Variants in CPNE4 observed in about 807,000 individuals in gnomAD.
CPNE4 encodes copine-4.
In CPNE4, 25 loss-of-function variants were observed where a neutral mutation model predicts 67.9. The ratio of observed to expected loss-of-function variants is 0.37; its 90% CI spans 0.27 to 0.51. The LOEUF is 0.51. CPNE4 is among the 20% of genes least tolerant of loss of function. The pLI is 0.93. For missense variants in CPNE4, 464 were observed against 690.8 expected, an observed-to-expected ratio of 0.67 and a Z score of 3.68; for synonymous variants, 242 against 244.9, an observed-to-expected ratio of 0.99 and a Z score of 0.11.
intron 15 of CPNE4, among the ~76,000 whole-genome samples, chr3:131,539,117 T>A (rs776070299): frequency 6.6e-6 from 1 of 152,210 alleles, no homozygotes; most frequent in East Asian, 1.9e-4. Flanking sequence ...ATTTATGGCT[T>A]ATTGAATTCA....
intron 9 of CPNE4, among the ~76,000 whole-genome samples, chr3:131,576,901 T>C (rs556412981): frequency 6.6e-6 from 1 of 151,950 alleles, no homozygotes; most frequent in South Asian, 2.1e-4. Context: ...TGGCTTGGTG[T>C]GTGAGAGTTT....
chr3:131,586,534 T>C (rs75311444), intron 8 of CPNE4, among the ~76,000 whole-genome samples: 9,143 of 152,186 alleles, frequency 0.06, 340 homozygotes, highest in Middle Eastern at 0.075. Context: ...CATTAGTTAT[T>C]TGTTGAGGGC....
At chr3:131,873,045 A>G (rs979045370) in intron 2 of CPNE4, among the ~76,000 whole-genome samples, 1 of 152,242 alleles carries the variant, frequency 6.6e-6, no homozygotes, top group Non-Finnish European at 1.5e-5. Flanking sequence ...GGTAATAGAA[A>G]ATAAATAGTG....
rs1560229225 is a variant in CPNE4 at position 131,746,636 on chromosome 3, T to G, written c.181-23011A>C. Among the ~76,000 whole-genome samples, 4 of 152,194 alleles carry G rather than the reference T, an allele frequency of 2.6e-5. No individual in the cohort carries two copies. In the South Asian group the frequency reaches 6.2e-4, roughly 24 times the overall value. ...TTTATGGCTTAATAGTATTCCATTG[T>G]GTATATATAGCATATTTTCTTTATC... On this transcript the variant is annotated intron_variant, in intron 2 of 15. Coordinates refer to ENST00000429747, the MANE Select transcript of CPNE4 (RefSeq NM_130808.3).
chr3:131,749,080 T>C (rs762153371), intron 2 of CPNE4, among the ~76,000 whole-genome samples: 4 of 152,160 alleles, frequency 2.6e-5, no homozygotes, highest in South Asian at 2.1e-4. Flanking sequence ...CATTCATGTA[T>C]TAGAAGCGCA....
chr3:131,910,819 T>G (rs1011110706), intron 1 of CPNE4, among the ~76,000 whole-genome samples: 2 of 152,204 alleles, frequency 1.3e-5, no homozygotes, highest in African/African-American at 4.8e-5. Context: ...TTTACCACAG[T>G]GGCTGGTCTC....
At chr3:131,909,768 TG>T (rs2088907597) in intron 1 of CPNE4, among the ~76,000 whole-genome samples, 1 of 152,160 alleles carries the variant, frequency 6.6e-6, no homozygotes, top group African/African-American at 2.4e-5. Flanking sequence ...AAATATGGAT[TG>T]ATACATGCAA....
At chr3:132,029,758 A>T (rs946601954) in intron 1 of CPNE4, among the ~76,000 whole-genome samples, 2 of 152,260 alleles carry the variant, frequency 1.3e-5, no homozygotes, top group African/African-American at 4.8e-5. Context: ...ACAAAGTTAG[A>T]AATACTGTGT....
intron 2 of CPNE4, among the ~76,000 whole-genome samples, chr3:131,770,041 G>A (rs150148555): frequency 6.6e-6 from 1 of 152,184 alleles, no homozygotes; most frequent in East Asian, 1.9e-4. Context: ...ACCTTGAAAC[G>A]ACCTCAAGTT....
intron 3 of CPNE4, among the ~76,000 whole-genome samples, chr3:131,714,364 T>G (rs2107728572): frequency 6.6e-6 from 1 of 152,310 alleles, no homozygotes; most frequent in East Asian, 1.9e-4. Flanking sequence ...AATAAGTCCA[T>G]TTAACTTCAT....
intron 2 of CPNE4, among the ~76,000 whole-genome samples, chr3:131,767,218 G>C (rs1334475062): frequency 1.3e-5 from 2 of 151,822 alleles, no homozygotes; most frequent in East Asian, 3.9e-4. Context: ...CTCTAATTAA[G>C]GGATAGTAAA....
intron 2 of CPNE4, among the ~76,000 whole-genome samples, chr3:131,884,476 A>C (rs1339680309): frequency 6.6e-6 from 1 of 152,196 alleles, no homozygotes; most frequent in Non-Finnish European, 1.5e-5. Context: ...AGAACTAGGC[A>C]TGGTGGGCAC....
chr3:132,036,323 A>G (rs9816526), upstream of CPNE4, among the ~76,000 whole-genome samples: 12,740 of 152,114 alleles, frequency 0.084, 684 homozygotes, highest in Non-Finnish European at 0.12. Context: ...ATGGAATTAC[A>G]CTAATGGGCC....
intron 2 of CPNE4, among the ~76,000 whole-genome samples, chr3:131,889,123 T>C (rs1278398313): frequency 1.3e-5 from 2 of 152,196 alleles, no homozygotes; most frequent in African/African-American, 4.8e-5. Context: ...TATTAAGTAA[T>C]TCATAAGCAT....
At chr3:131,891,256 T>A (rs893536574) in intron 2 of CPNE4, among the ~76,000 whole-genome samples, 5 of 152,102 alleles carry the variant, frequency 3.3e-5, no homozygotes, top group Non-Finnish European at 2.9e-5. Flanking sequence ...AAGTTTTTTT[T>A]ATAACAATTA....
chr3:131,698,782 C>G (rs1044310220), intron 4 of CPNE4, among the ~76,000 whole-genome samples: 1 of 151,602 alleles, frequency 6.6e-6, no homozygotes, highest in African/African-American at 2.4e-5. Context: ...TGGTGGTGGG[C>G]ACCTGTAATC....
chr3:131,860,574 G>A (rs2086634215), intron 2 of CPNE4, among the ~76,000 whole-genome samples: 1 of 152,148 alleles, frequency 6.6e-6, no homozygotes, highest in Non-Finnish European at 1.5e-5. Flanking sequence ...GGCATTTAAT[G>A]AAAACAGTGT....
intron 2 of CPNE4, among the ~76,000 whole-genome samples, chr3:131,855,812 G>A (rs749045054): frequency 2.0e-5 from 3 of 151,878 alleles, no homozygotes; most frequent in East Asian, 1.9e-4. Flanking sequence ...AGCTAAATCC[G>A]TCATCATATA....
At chr3:132,029,925 T>G (rs1288177603) in intron 1 of CPNE4, among the ~76,000 whole-genome samples, 2 of 152,222 alleles carry the variant, frequency 1.3e-5, no homozygotes, top group Non-Finnish European at 2.9e-5. Context: ...TTGTGACATT[T>G]AAAATAGAAA....
Sources: allele counts gnomAD v4.1 joint callset (sites outside exome capture counted in the v4.1 genomes callset), GRCh38; gene constraint gnomAD v4.1.1; transcripts MANE v1.5; gene names NCBI Gene and HGNC (gene_info 2026-07-23, HGNC 2026-07-21).